Variants in CNBD1 observed in about 807,000 individuals in gnomAD.
The protein encoded by CNBD1 is cyclic nucleotide binding domain containing 1.
Under a neutral mutation model 54.4 loss-of-function variants are expected in CNBD1, and 71 were observed. That is an observed-to-expected ratio of 1.30 (90% CI 1.08 to 1.59). The LOEUF is 1.59. Ranked by LOEUF, CNBD1 falls within the 40% of genes most tolerant of loss-of-function variation. The pLI is 0.00. For synonymous variants in CNBD1, 182 were observed against 170.7 expected (o/e 1.07, Z -0.51); for missense variants, 659 against 518.0 (o/e 1.27, Z -2.64).
intron 4 of CNBD1, among the ~76,000 whole-genome samples, chr8:87,168,966 G>T (rs1813028197): frequency 6.6e-6 from 1 of 151,952 alleles, no homozygotes; most frequent in South Asian, 2.1e-4. Context: ...TCGCTGGATT[G>T]TGTAGTAGCA....
chr8:86,984,675 G>T (rs1479703272), intron 4 of CNBD1, among the ~76,000 whole-genome samples: 1 of 152,134 alleles, frequency 6.6e-6, no homozygotes, highest in Admixed American at 6.6e-5. Flanking sequence ...TGCCCCACTG[G>T]ACTTTGGACT....
At chr8:86,961,924 T>G (rs2130471548) in intron 4 of CNBD1, among the ~76,000 whole-genome samples, 1 of 152,240 alleles carries the variant, frequency 6.6e-6, no homozygotes, top group Non-Finnish European at 1.5e-5. Context: ...TGTAAGATTT[T>G]TCATGTGCCA....
chr8:87,394,376 A>C (rs972049606), intron 2 of CNBD1, among the ~76,000 whole-genome samples: 15 of 151,874 alleles, frequency 9.9e-5, no homozygotes, highest in Non-Finnish European at 2.9e-5. Flanking sequence ...CTGCAATTTA[A>C]ATTCAGAAAT....
In CNBD1 at chr8:87,232,564, A is replaced by C. The variant is rs148408969; in HGVS notation, c.578-4355A>C. Among the ~76,000 whole-genome samples, 1,221 of 152,272 alleles carry C rather than the reference A, an allele frequency of 8.0e-3. 27 individuals carry two copies. Among genetic ancestry groups the C allele is most frequent in the African/African-American group, 0.023 (948 of 41,572 alleles). ...TTATTTTTTCTTGTGCCTTTTCAGT[A>C]AGTTTAATTTTGTAAAAGCATTTTT... On this transcript the variant is annotated intron_variant, in intron 5 of 10. Coordinates refer to ENST00000518476, the MANE Select transcript of CNBD1 (RefSeq NM_173538.3).
intron 10 of CNBD1, among the ~76,000 whole-genome samples, chr8:87,358,085 T>A (rs946350403): frequency 2.0e-5 from 3 of 152,098 alleles, no homozygotes; most frequent in African/African-American, 7.2e-5. Flanking sequence ...CGAGGCCTCA[T>A]CAGTAGCCAA....
rs554912947 is a variant in CNBD1 at position 87,056,512 on chromosome 8, C to T, written c.431+116758C>T. 7.2e-5 allele frequency among the ~76,000 whole-genome samples: 11 copies of T among 152,192 alleles called. No individual in the cohort carries two copies. In the South Asian group the frequency reaches 2.3e-3, roughly 32 times the overall value. ...AACATTTCAGGAAGGTGTATATCAT[C>T]AATATAAATACGGGTTATAAACCAA... On this transcript the variant is annotated intron_variant, in intron 4 of 10. Transcript: ENST00000518476.
intron 5 of CNBD1, among the ~76,000 whole-genome samples, chr8:87,219,351 C>T (rs1055929955): frequency 6.6e-6 from 1 of 152,142 alleles, no homozygotes; most frequent in African/African-American, 2.4e-5. Context: ...AACAGACTCT[C>T]ATCAGCACAT....
At chr8:87,282,210 T>A (rs540425035) in intron 6 of CNBD1, among the ~76,000 whole-genome samples, 1 of 151,738 alleles carries the variant, frequency 6.6e-6, no homozygotes, top group Non-Finnish European at 1.5e-5. Flanking sequence ...AATATAAAGA[T>A]TCTCAAATAT....
At chr8:87,167,159 T>C (rs992438915) in intron 4 of CNBD1, among the ~76,000 whole-genome samples, 10 of 152,010 alleles carry the variant, frequency 6.6e-5, no homozygotes, top group Admixed American at 3.9e-4. Flanking sequence ...CAAATTTTTA[T>C]TTTTATATTC....
At chr8:87,271,986 C>T (rs559754554) in intron 6 of CNBD1, among the ~76,000 whole-genome samples, 168 of 151,820 alleles carry the variant, frequency 1.1e-3, no homozygotes, top group South Asian at 3.5e-3. Flanking sequence ...GATTGTGTAA[C>T]GTAAAGTAAT....
chr8:87,294,089 A>G (rs1419067054), intron 8 of CNBD1, among the ~76,000 whole-genome samples: 1 of 152,170 alleles, frequency 6.6e-6, no homozygotes, highest in Non-Finnish European at 1.5e-5. Flanking sequence ...TAGCAGAGCA[A>G]TATGAGTGAT....
intron 2 of CNBD1, among the ~76,000 whole-genome samples, chr8:87,419,798 G>A (rs546280323): frequency 3.2e-4 from 49 of 151,708 alleles, no homozygotes; most frequent in African/African-American, 1.1e-3. Flanking sequence ...AAAATTTAAG[G>A]AAAACATGTC....
chr8:87,236,044 G>A (rs1429039738), intron 5 of CNBD1, among the ~76,000 whole-genome samples: 1 of 152,010 alleles, frequency 6.6e-6, no homozygotes, highest in African/African-American at 2.4e-5. Flanking sequence ...AGCATTTGAT[G>A]ACTTTTAGGA....
chr8:87,379,115 C>A (rs971712120), intron 10 of CNBD1, among the ~76,000 whole-genome samples: 1 of 151,750 alleles, frequency 6.6e-6, no homozygotes, highest in Admixed American at 6.6e-5. Flanking sequence ...GACAATTTGA[C>A]TTCCTCTTTT....
chr8:87,424,182 C>A (rs941963414), intron 2 of CNBD1, among the ~76,000 whole-genome samples: 2 of 151,926 alleles, frequency 1.3e-5, no homozygotes, highest in Admixed American at 1.3e-4. Flanking sequence ...CTTTATTAGT[C>A]TTGCTAGCGG....
rs907144466 is a variant in CNBD1 at position 87,257,334 on chromosome 8, A to G, written c.771+20222A>G. On this transcript the variant is annotated intron_variant, in intron 6 of 10. Transcript: ENST00000518476. ...CAGTCAGCTGAGATTGTGCCATTAC[A>G]CTCCAACCTGGGCAACAAGAGCAAA... Among the ~76,000 whole-genome samples the G allele has an allele frequency of 2.2e-5, 3 of 139,114 alleles. No homozygotes were observed. The East Asian group carries it at 6.3e-4, about 29-fold the overall frequency. 91.3% of individuals were successfully genotyped at this position (139,114 alleles called of 152,430 possible). A position where few individuals can be genotyped will look rare whatever the true frequency, so the allele number is the denominator to read the frequency against.
intron 4 of CNBD1, among the ~76,000 whole-genome samples, chr8:86,979,747 G>T (rs1808432818): frequency 6.6e-6 from 1 of 152,012 alleles, no homozygotes; most frequent in African/African-American, 2.4e-5. Flanking sequence ...GTCCCATAAG[G>T]TATGTTCTTC....
intron 8 of CNBD1, among the ~76,000 whole-genome samples, chr8:87,303,878 A>G (rs1361582915): frequency 2.0e-5 from 3 of 152,216 alleles, no homozygotes; most frequent in Non-Finnish European, 2.9e-5. Flanking sequence ...CAAAAGACAC[A>G]TGAAAAAATG....
intron 4 of CNBD1, among the ~76,000 whole-genome samples, chr8:86,997,319 C>T (rs1808895909): frequency 1.3e-5 from 2 of 152,130 alleles, no homozygotes; most frequent in South Asian, 4.1e-4. Flanking sequence ...ACAAGTTGAA[C>T]CTCTTGAGCA....
Sources: gnomAD v4.1 joint callset for allele counts (sites outside exome capture counted in the v4.1 genomes callset) on GRCh38, gnomAD v4.1.1 for gene constraint, MANE v1.5 for transcripts, NCBI Gene and HGNC (gene_info 2026-07-23, HGNC 2026-07-21) for gene names.